WASF1: variants seen among roughly 807,000 people sequenced by gnomAD.
WASF1 encodes actin-binding protein WASF1.
Under a neutral mutation model 50.5 loss-of-function variants are expected in WASF1, and 7 were observed. The ratio of observed to expected loss-of-function variants is 0.14; its 90% confidence interval spans 0.08 to 0.26. The LOEUF (loss-of-function observed/expected upper bound fraction) is 0.26. WASF1 is among the 10% of genes least tolerant of loss of function. The pLI is 1.00. For synonymous variants in WASF1, 205 were observed against 244.0 expected (o/e 0.84, Z 1.49); for missense variants, 470 against 694.7 (o/e 0.68, Z 3.64).
intron 2 of WASF1, among the ~76,000 whole-genome samples, chr6:110,163,036 C>T (rs757269366): frequency 3.3e-5 from 5 of 151,606 alleles, no homozygotes; most frequent in Non-Finnish European, 5.9e-5. Flanking sequence ...GCAATTACAG[C>T]ATGGATACAA....
intron 2 of WASF1, among the ~76,000 whole-genome samples, chr6:110,162,345 C>T (rs1776291954): frequency 1.3e-5 from 2 of 150,124 alleles, no homozygotes; most frequent in Admixed American, 6.7e-5. Context: ...ACGCAGACAA[C>T]GTATTTCTTG....
chr6:110,122,103 G>A (rs1774162533), intron 4 of WASF1, among the ~76,000 whole-genome samples: 1 of 152,044 alleles, frequency 6.6e-6, no homozygotes, highest in Admixed American at 6.6e-5. Context: ...GTTGATGGGT[G>A]CAGCAAACCA....
At chr6:110,174,915 T>C (rs1247252991) in intron 2 of WASF1, among the ~76,000 whole-genome samples, 1 of 152,066 alleles carries the variant, frequency 6.6e-6, no homozygotes, top group Non-Finnish European at 1.5e-5. Flanking sequence ...ACACTCAAAA[T>C]CCATTTAGCT....
chr6:110,119,961 G>T (rs117056893), intron 4 of WASF1, among the ~76,000 whole-genome samples: 5,002 of 152,232 alleles, frequency 0.033, 148 homozygotes, highest in South Asian at 0.12. Flanking sequence ...CTCAATAGCT[G>T]CAGAAAAGGC....
chr6:110,118,022 A>G (rs1315774629), intron 4 of WASF1, among the ~76,000 whole-genome samples: 1 of 152,166 alleles, frequency 6.6e-6, no homozygotes, highest in Non-Finnish European at 1.5e-5. Context: ...AGCACTAAAC[A>G]TGGAAAGCAA....
At chr6:110,104,682 G>A (rs1338262141) in intron 8 of WASF1, among the ~76,000 whole-genome samples, 4 of 152,150 alleles carry the variant, frequency 2.6e-5, no homozygotes, top group Non-Finnish European at 5.9e-5. Context: ...CCAGCTACTT[G>A]GGAGGCTGAG....
chr6:110,168,301 C>G (rs746637325), intron 2 of WASF1, among the ~76,000 whole-genome samples: 4 of 151,894 alleles, frequency 2.6e-5, no homozygotes, highest in Non-Finnish European at 4.4e-5. Flanking sequence ...TATAGCATTA[C>G]CAAAAAATTT....
chr6:110,140,554 C>G (rs1169101543), intron 3 of WASF1, among the ~76,000 whole-genome samples: 1 of 152,080 alleles, frequency 6.6e-6, no homozygotes, highest in African/African-American at 2.4e-5. Flanking sequence ...TCTATGGGAT[C>G]TGACACTATC....
chr6:110,102,816 A>G (rs1773153939), intron 9 of WASF1, among the ~76,000 whole-genome samples: 1 of 152,162 alleles, frequency 6.6e-6, no homozygotes, highest in African/African-American at 2.4e-5. Flanking sequence ...TCTCTATTAG[A>G]AATTTATCAT....
chr6:110,117,588 G>A (rs181428688), intron 4 of WASF1, among the ~76,000 whole-genome samples: 71 of 152,174 alleles, frequency 4.7e-4, no homozygotes, highest in East Asian at 2.7e-3. Context: ...GAAAACATTC[G>A]TCAGGATATT....
intron 4 of WASF1, among the ~76,000 whole-genome samples, chr6:110,120,275 G>T (rs552275088): frequency 6.6e-6 from 1 of 152,176 alleles, no homozygotes; most frequent in African/African-American, 2.4e-5. Context: ...TGACATGATT[G>T]TATATTTAGA....
intron 3 of WASF1, among the ~76,000 whole-genome samples, chr6:110,140,845 T>A (rs766703974): frequency 1.1e-4 from 17 of 152,102 alleles, no homozygotes; most frequent in Non-Finnish European, 2.1e-4. Flanking sequence ...TGACATAGTG[T>A]TAAGCTATGT....
chr6:110,176,653 T>C lies in WASF1; in HGVS notation c.-127+1945A>G, dbSNP rs556201177. On this transcript the variant is annotated intron_variant, in intron 2 of 10. Transcript: ENST00000392589. ...CATTTTATTTGTTCAACAAAGAAAA[T>C]TGAGCCCCTGCTATTTGTTAAACAC... Among the ~76,000 whole-genome samples, 6 of 152,226 alleles carry C rather than the reference T, an allele frequency of 3.9e-5. No homozygotes were observed. In the South Asian group the frequency reaches 6.2e-4, roughly 16 times the overall value.
At chr6:110,125,448 C>T (rs1045349221) in intron 4 of WASF1, among the ~76,000 whole-genome samples, 11 of 152,156 alleles carry the variant, frequency 7.2e-5, no homozygotes, top group African/African-American at 2.7e-4. Flanking sequence ...TCCTTTTATC[C>T]TCTGAAGCAT....
chr6:110,110,631 TAATAAAATAG>T (rs1309236718), intron 5 of WASF1, among the ~76,000 whole-genome samples: 5 of 152,194 alleles, frequency 3.3e-5, no homozygotes, highest in Non-Finnish European at 7.3e-5. Context: ...CATCTGATAT[TAATAAAATAG>T]AATTATAAAG....
chr6:110,161,359 T>C (rs73535839), intron 2 of WASF1, among the ~76,000 whole-genome samples: 4,147 of 151,652 alleles, frequency 0.027, 181 homozygotes, highest in African/African-American at 0.094. Flanking sequence ...TTCATTTAAC[T>C]AGCAATGAAA....
At chr6:110,162,871 A>G (rs1247869456) in intron 2 of WASF1, among the ~76,000 whole-genome samples, 1 of 151,678 alleles carries the variant, frequency 6.6e-6, no homozygotes, top group Non-Finnish European at 1.5e-5. Context: ...GTTCCCTCTT[A>G]CAATATCACA....
At chr6:110,108,135 C>A (rs1773405533) in intron 6 of WASF1, among the ~76,000 whole-genome samples, 1 of 25,420 alleles carries the variant, frequency 3.9e-5, no homozygotes, top group African/African-American at 1.8e-4. Context: ...GAGACTCCGC[C>A]TCAAAAAAAA....
chr6:110,142,067 C>CT (rs1775267724), intron 3 of WASF1, among the ~76,000 whole-genome samples: 1 of 152,148 alleles, frequency 6.6e-6, no homozygotes, highest in Non-Finnish European at 1.5e-5. Context: ...TAAGGAGCTG[C>CT]TTTTTTGTAT....
Sources: gnomAD v4.1 joint callset for allele counts (sites outside exome capture counted in the v4.1 genomes callset) on GRCh38, gnomAD v4.1.1 for gene constraint, MANE v1.5 for transcripts, NCBI Gene and HGNC (gene_info 2026-07-23, HGNC 2026-07-21) for gene names.